The following DCAF7 variants were observed in gnomAD, a reference collection of about 807,000 sequenced individuals.
DCAF7 encodes the protein DDB1- and CUL4-associated factor 7.
DCAF7 carries 4 observed loss-of-function variants against 41.2 expected under a neutral mutation model. The ratio of observed to expected loss-of-function variants is 0.10; its 90% CI spans 0.05 to 0.22. DCAF7 has a LOEUF of 0.22. DCAF7 is among the 10% of genes least tolerant of loss of function. The pLI is 1.00. For missense variants in DCAF7, 131 were observed against 443.2 expected (o/e 0.30, Z 6.32); for synonymous variants, 143 against 164.2 (o/e 0.87, Z 0.99).
chr17:63,559,049 C>T lies in DCAF7; in HGVS notation c.138+8234C>T, dbSNP rs539190658. On this transcript the variant is annotated intron_variant, in intron 1 of 6. Transcript: ENST00000614556. ...TTTTAAGGCCAGGCACAGTGGCTCA[C>T]GCCTGTAATTCCAGCACTTTGGGAG... Among the ~76,000 whole-genome samples the T allele has an allele frequency of 1.3e-4, 19 of 151,994 alleles. No individual in the cohort carries two copies. In the South Asian group the frequency reaches 2.3e-3, roughly 18 times the overall value.
chr17:63,578,663 G>A, intron 2 of DCAF7, 35 bp downstream of exon 2: 1 of 1,613,384 alleles, frequency 6.2e-7, no homozygotes, highest in Admixed American at 1.7e-5. Context: ...CAGACAAGTG[G>A]GCTTTCTCAG....
chr17:63,589,084 G>A lies in DCAF7; in HGVS notation c.941G>A (p.Gly314Glu). ...CCTATCCTGGCCTACACAGCTGAAGGAGAGATCAACAATGTGCAGTGGGCA... is the reference window on the plus strand; with the variant it reads ...CCTATCCTGGCCTACACAGCTGAAGAAGAGATCAACAATGTGCAGTGGGCA... ...EDPILAYTAEGEINNVQWAST... is the reference protein window; with the variant it reads ...EDPILAYTAEEEINNVQWAST... The change falls in exon 7 of 7, where the codon GGA becomes GAA. Residue 314 changes from glycine to glutamate, a missense_variant. Gly to Glu is a moderately conservative substitution (Grantham distance 98). Coordinates refer to ENST00000614556, the MANE Select transcript of DCAF7 (RefSeq NM_005828.5). 6.2e-7 allele frequency: 1 copy of A among 1,613,974 alleles called. No homozygotes were observed. The highest frequency in any genetic ancestry group is 8.5e-7 in the Non-Finnish European group (1 of 1,179,886).
chr17:63,579,390 T>C lies in DCAF7; in HGVS notation c.351T>C (p.Ser117=). Residue 117 remains serine (S), a synonymous_variant, in exon 3 of 7, where the codon TCT becomes TCC. Transcript: ENST00000614556. ...GTTTGCTAAACAATAATAAGAACTCTGATTTCTGTGCTCCCCTGACCTCCT... is the reference window on the plus strand; with the variant it reads ...GTTTGCTAAACAATAATAAGAACTCCGATTTCTGTGCTCCCCTGACCTCCT... ...LECLLNNNKN[S]DFCAPLTSFD... 1 of 1,610,596 alleles carries C rather than the reference T, an allele frequency of 6.2e-7. No individual in the cohort carries two copies. Among genetic ancestry groups the C allele is most frequent in the Non-Finnish European group, 8.5e-7 (1 of 1,178,424 alleles).
At chr17:63,551,315 C>T (rs888523512) in intron 1 of DCAF7, among the ~76,000 whole-genome samples, 1 of 149,662 alleles carries the variant, frequency 6.7e-6, no homozygotes, top group Non-Finnish European at 1.5e-5. Flanking sequence ...CCACCCCCCC[C>T]GGGTACTCAT....
At chr17:63,553,298 A>C (rs1219382403) in intron 1 of DCAF7, among the ~76,000 whole-genome samples, 1 of 152,242 alleles carries the variant, frequency 6.6e-6, no homozygotes, top group African/African-American at 2.4e-5. Context: ...CTTGCTGGCA[A>C]AGTCACAGAC....
At chr17:63,559,455 ATATT>A (rs2033356491) in intron 1 of DCAF7, among the ~76,000 whole-genome samples, 1 of 142,232 alleles carries the variant, frequency 7.0e-6, no homozygotes, top group African/African-American at 2.6e-5. Context: ...ATATATATAT[ATATT>A]TTTAATAATT....
chr17:63,551,838 G>A (rs1262604038), intron 1 of DCAF7, among the ~76,000 whole-genome samples: 1 of 133,486 alleles, frequency 7.5e-6, no homozygotes, highest in East Asian at 2.4e-4. Context: ...CCTGAGCTCA[G>A]GAGTTCGCGA....
At chr17:63,582,166 A>T (rs577321513) in intron 4 of DCAF7, among the ~76,000 whole-genome samples, 75 of 152,270 alleles carry the variant, frequency 4.9e-4, no homozygotes, top group Non-Finnish European at 8.1e-4. Context: ...CTCCTTGTTG[A>T]TGACTGGCCC....
intron 5 of DCAF7, 138 bp from the exon 6 acceptor site, chr17:63,585,073 A>G (rs1256328505): frequency 5.9e-6 from 4 of 678,174 alleles, no homozygotes; most frequent in Non-Finnish European, 7.6e-6. Flanking sequence ...CCTCAATCCT[A>G]TGGAAATCCT....
intron 1 of DCAF7, among the ~76,000 whole-genome samples, chr17:63,568,687 C>A (rs2033471680): frequency 6.6e-6 from 1 of 152,176 alleles, no homozygotes; most frequent in African/African-American, 2.4e-5. Flanking sequence ...GGGAGGTTTT[C>A]ATTCAAGGGA....
At chr17:63,561,338 G>A (rs568198510) in intron 1 of DCAF7, among the ~76,000 whole-genome samples, 11 of 152,254 alleles carry the variant, frequency 7.2e-5, no homozygotes, top group African/African-American at 1.7e-4. Context: ...AGAGTATAGC[G>A]TTTAAATAGA....
chr17:63,590,002 G>A lies in DCAF7; in HGVS notation c.*830G>A, dbSNP rs2033717780. The A allele has an allele frequency of 6.6e-6, 1 of 152,660 alleles. No individual in the cohort carries two copies. The highest frequency in any genetic ancestry group is 2.4e-5 in the African/African-American group (1 of 41,440). The allele number at this position is 152,660 out of a possible 1,614,324, so 9.5% of individuals were successfully genotyped here. ...CCCATTGGTTCCCACTGGCAGCATGGTAGAGCTGAGAGAAACAGGCTCTCA... is the reference window on the plus strand; with the variant it reads ...CCCATTGGTTCCCACTGGCAGCATGATAGAGCTGAGAGAAACAGGCTCTCA... On this transcript the variant is annotated 3_prime_UTR_variant, in exon 7 of 7. Transcript: ENST00000614556.
chr17:63,570,786 G>C (rs1239859567), intron 1 of DCAF7, among the ~76,000 whole-genome samples: 1 of 152,236 alleles, frequency 6.6e-6, no homozygotes, highest in African/African-American at 2.4e-5. Context: ...CTTGTGGAAT[G>C]CTATACAGTT....
At chr17:63,575,873 A>G (rs1375867327) in intron 1 of DCAF7, among the ~76,000 whole-genome samples, 1 of 152,244 alleles carries the variant, frequency 6.6e-6, no homozygotes, top group African/African-American at 2.4e-5. Context: ...GTACATGGAA[A>G]AGCAAAAGTA....
chr17:63,589,233 C>A lies in DCAF7; in HGVS notation c.*61C>A, dbSNP rs181669731. The A allele has an allele frequency of 3.1e-6, 5 of 1,597,942 alleles. No homozygotes were observed. Among genetic ancestry groups the A allele is most frequent in the Admixed American group, 1.7e-5 (1 of 59,914 alleles). ...TGTATTTCCTGCCTCTGCCCCACCC[C>A]CAAAGTAAGAAGAAACATGTTTCCA... On this transcript the variant is annotated 3_prime_UTR_variant, in exon 7 of 7. Coordinates refer to ENST00000614556, the MANE Select transcript of DCAF7 (RefSeq NM_005828.5).
Position 63,579,841 on chromosome 17 carries a change from T to C in DCAF7, c.426T>C (p.Asp142=). ...DPYLLGTSSI[D]TTCTIWGLET... Reference sequence around the variant, plus strand: ...TGTTTGCAGGTACCTCAAGCATTGATACGACATGCACCATCTGGGGGCTGG... The same window carrying C: ...TGTTTGCAGGTACCTCAAGCATTGACACGACATGCACCATCTGGGGGCTGG... The change falls in exon 4 of 7, where the codon GAT becomes GAC. Residue 142 remains aspartate, a synonymous_variant. Transcript: ENST00000614556. 6.2e-7 allele frequency: 1 copy of C among 1,613,720 alleles called. No individual in the cohort carries two copies. The highest frequency in any genetic ancestry group is 8.5e-7 in the Non-Finnish European group (1 of 1,179,752).
chr17:63,557,999 G>T (rs1053548174), intron 1 of DCAF7, among the ~76,000 whole-genome samples: 5 of 152,082 alleles, frequency 3.3e-5, no homozygotes, highest in Non-Finnish European at 5.9e-5. Flanking sequence ...AGGCTTAATC[G>T]ATTGTCCCAC....
chr17:63,584,576 C>T (rs8075319), intron 5 of DCAF7, among the ~76,000 whole-genome samples: 13,497 of 151,790 alleles, frequency 0.089, 1,932 homozygotes, highest in African/African-American at 0.3. Context: ...CTAGCTAACA[C>T]GGTGAAACCC....
At position 63,550,917 on chromosome 17, in the gene DCAF7, C is replaced by T. The variant is rs569404826; in HGVS notation, c.138+102C>T. 1.3e-6 allele frequency: 2 copies of T among 1,490,300 alleles called. No homozygotes were observed. Among genetic ancestry groups the T allele is most frequent in the Non-Finnish European group, 1.8e-6 (2 of 1,118,594 alleles). The allele number at this position is 1,490,300 out of a possible 1,614,324, so 92.3% of individuals were successfully genotyped here. A position where few individuals can be genotyped will look rare whatever the true frequency, so the allele number is the denominator to read the frequency against. On this transcript the variant is annotated intron_variant, in intron 1 of 6. Transcript: ENST00000614556. The surrounding 1 kb of genome is among the most constrained non-coding windows in gnomAD (Gnocchi z 4.8). ...GCCTCAGAACCCTCTTGCGGACTCG[C>T]CCTAGGGCCACGGAGCGGTTCCTCT...
Sources: gnomAD v4.1 joint callset for allele counts (sites outside exome capture counted in the v4.1 genomes callset) on GRCh38, gnomAD v4.1.1 for gene constraint, Gnocchi (gnomAD v3.1) non-coding constraint, MANE v1.5 for transcripts, NCBI Gene and HGNC (gene_info 2026-07-23, HGNC 2026-07-21) for gene names.